The following EXOC4 variants were observed in gnomAD, a reference collection of about 807,000 sequenced individuals.
EXOC4 encodes SEC8-like 1.
A neutral mutation model predicts 107.2 loss-of-function variants in EXOC4; 71 were observed. The ratio of observed to expected loss-of-function variants is 0.66; its 90% CI spans 0.55 to 0.81. EXOC4 has a LOEUF of 0.81. Ranked by LOEUF, EXOC4 falls within the 30% of genes least tolerant of loss-of-function variation. EXOC4 has a pLI of 0.00. For missense variants in EXOC4, 1,108 were observed against 1,189.6 expected (o/e 0.93, Z 1.01); for synonymous variants, 456 against 441.2 (o/e 1.03, Z -0.42).
chr7:133,407,068 G>T (rs1797236672), intron 7 of EXOC4, among the ~76,000 whole-genome samples: 3 of 152,082 alleles, frequency 2.0e-5, no homozygotes, highest in Non-Finnish European at 4.4e-5. Flanking sequence ...GTTTGTCCTT[G>T]CTAAGTCCAG....
At chr7:133,910,859 A>C (rs1173300371) in intron 12 of EXOC4, among the ~76,000 whole-genome samples, 2 of 152,144 alleles carry the variant, frequency 1.3e-5, no homozygotes, top group African/African-American at 4.8e-5. Context: ...GCTGTCACCA[A>C]ACAATTGAAT....
chr7:133,756,891 G>GT (rs1795929286), intron 10 of EXOC4, among the ~76,000 whole-genome samples: 1 of 152,128 alleles, frequency 6.6e-6, no homozygotes, highest in Admixed American at 6.5e-5. Flanking sequence ...ATTTAGTTTA[G>GT]GAGAATCGCT....
At chr7:134,084,758 C>G in the EXOC4 span, among the ~76,000 whole-genome samples, 3 of 151,056 alleles carry the variant, frequency 2.0e-5, no homozygotes, top group Admixed American at 1.3e-4. Flanking sequence ...CTCCCCACCC[C>G]CTTAATTCCA....
chr7:133,261,945 G>T (rs1333211059), intron 1 of EXOC4, among the ~76,000 whole-genome samples: 1 of 152,102 alleles, frequency 6.6e-6, no homozygotes, highest in Non-Finnish European at 1.5e-5. Context: ...CCCAGCTGAT[G>T]ACCCTCTACA....
intron 7 of EXOC4, among the ~76,000 whole-genome samples, chr7:133,380,412 T>G (rs1796591055): frequency 1.3e-5 from 2 of 152,080 alleles, no homozygotes; most frequent in Non-Finnish European, 2.9e-5. Flanking sequence ...CAGTGGTTTT[T>G]TAATTATATT....
At chr7:133,330,814 G>A (rs1019170293) in intron 5 of EXOC4, among the ~76,000 whole-genome samples, 6 of 152,048 alleles carry the variant, frequency 3.9e-5, no homozygotes, top group African/African-American at 1.4e-4. Context: ...GAGATGAACC[G>A]GGTACCTCAG....
At chr7:133,931,614 T>A (rs1800177346) in intron 13 of EXOC4, among the ~76,000 whole-genome samples, 1 of 152,240 alleles carries the variant, frequency 6.6e-6, no homozygotes, top group Admixed American at 6.5e-5. Context: ...AAAGAATTTC[T>A]TCTCATACAC....
intron 1 of EXOC4, among the ~76,000 whole-genome samples, chr7:133,255,476 T>A (rs988866216): frequency 2.4e-4 from 36 of 152,086 alleles, no homozygotes; most frequent in Admixed American, 7.2e-4. Context: ...TGCCCAGCCC[T>A]CATTTTTCTA....
Position 133,731,667 on chromosome 7 carries a change from G to C in EXOC4, c.1515-85658G>C, listed in dbSNP as rs537316611. 1.5e-3 allele frequency among the ~76,000 whole-genome samples: 231 copies of C among 152,254 alleles called. 1 individual carries two copies. Among genetic ancestry groups the C allele is most frequent in the Admixed American group, 2.7e-3 (42 of 15,300 alleles). On this transcript the variant is annotated intron_variant, in intron 10 of 17. Transcript: ENST00000253861. ...ACTCTACCATTTAGCTTAAATGGTT[G>C]CTTCTAGGCAAGTTGCTAACCTCTC...
chr7:133,644,238 C>A (rs910368177), intron 10 of EXOC4, among the ~76,000 whole-genome samples: 44 of 152,206 alleles, frequency 2.9e-4, no homozygotes, highest in African/African-American at 1.0e-3. Flanking sequence ...TTAGCCAATG[C>A]CAGAGCTCTA....
intron 9 of EXOC4, among the ~76,000 whole-genome samples, chr7:133,616,620 G>A (rs1175874829): frequency 6.6e-6 from 1 of 151,910 alleles, no homozygotes; most frequent in South Asian, 2.1e-4. Context: ...GACAATGATG[G>A]CAGGATCTAA....
chr7:133,300,520 A>G (rs182679200), intron 3 of EXOC4, among the ~76,000 whole-genome samples: 9 of 152,294 alleles, frequency 5.9e-5, no homozygotes, highest in African/African-American at 2.2e-4. Context: ...CCATTTGTAC[A>G]TGAAGTCCGG....
chr7:133,422,163 G>A (rs552085839), intron 7 of EXOC4, among the ~76,000 whole-genome samples: 1 of 152,246 alleles, frequency 6.6e-6, no homozygotes, highest in Admixed American at 6.5e-5. Flanking sequence ...TTACGCCTCT[G>A]AACATTGCAA....
chr7:134,041,136 C>G (rs1018475404), intron 17 of EXOC4, among the ~76,000 whole-genome samples: 1 of 152,174 alleles, frequency 6.6e-6, no homozygotes, highest in Non-Finnish European at 1.5e-5. Context: ...ATAAGGGAGA[C>G]TTTTACCATT....
intron 4 of EXOC4, among the ~76,000 whole-genome samples, chr7:133,310,080 A>T (rs1177777892): frequency 6.6e-6 from 1 of 152,256 alleles, no homozygotes; most frequent in African/African-American, 2.4e-5. Context: ...TTCTTGCTTA[A>T]GATGAGTGTG....
chr7:133,897,594 A>G (rs1183163451), intron 12 of EXOC4, among the ~76,000 whole-genome samples: 2 of 151,584 alleles, frequency 1.3e-5, no homozygotes, highest in African/African-American at 4.9e-5. Context: ...ATTCAAAGAG[A>G]AAAAGGAAAA....
chr7:133,941,924 G>A (rs1264151923), intron 14 of EXOC4, among the ~76,000 whole-genome samples: 1 of 150,774 alleles, frequency 6.6e-6, no homozygotes, highest in Non-Finnish European at 1.5e-5. Flanking sequence ...AAATAATGCT[G>A]GCTCTTTGTA....
At chr7:133,346,862 A>G (rs1795793887) in intron 5 of EXOC4, among the ~76,000 whole-genome samples, 1 of 152,212 alleles carries the variant, frequency 6.6e-6, no homozygotes, top group South Asian at 2.1e-4. Context: ...TTCTATAGTA[A>G]ACATTACTAT....
intron 9 of EXOC4, among the ~76,000 whole-genome samples, chr7:133,590,786 T>G (rs907000977): frequency 2.0e-5 from 3 of 152,198 alleles, no homozygotes; most frequent in Non-Finnish European, 4.4e-5. Flanking sequence ...TCTACCATCT[T>G]CAATTCATTC....
Sources: allele counts gnomAD v4.1 joint callset (sites outside exome capture counted in the v4.1 genomes callset), GRCh38; gene constraint gnomAD v4.1.1; transcripts MANE v1.5; gene names NCBI Gene and HGNC (gene_info 2026-07-23, HGNC 2026-07-21).